MPHOSPH6: variants seen among roughly 807,000 people sequenced by gnomAD.
MPHOSPH6 encodes M-phase phosphoprotein 6.
A neutral mutation model predicts 21.8 loss-of-function variants in MPHOSPH6; 25 were observed. That is an observed-to-expected ratio of 1.15 (90% CI 0.83 to 1.60). The LOEUF (loss-of-function observed/expected upper bound fraction) is 1.60. Ranked by LOEUF, MPHOSPH6 falls within the 40% of genes most tolerant of loss-of-function variation. The probability of loss-of-function intolerance (pLI) is 0.00; values close to 1 mark genes in which losing one functional copy is unlikely to be tolerated. For synonymous variants in MPHOSPH6, 84 were observed against 56.5 expected (o/e 1.49, Z -2.18); for missense variants, 269 against 181.8 (o/e 1.48, Z -2.76).
chr16:82,158,295 TG>T (rs1278001386), intron 2 of MPHOSPH6, among the ~76,000 whole-genome samples: 2 of 151,034 alleles, frequency 1.3e-5, no homozygotes, highest in Admixed American at 6.6e-5. Context: ...GAGATCATCC[TG>T]GCTAATACGA....
chr16:82,161,574 A>G (rs867594131), intron 2 of MPHOSPH6, among the ~76,000 whole-genome samples: 2 of 152,240 alleles, frequency 1.3e-5, no homozygotes, highest in East Asian at 1.9e-4. Flanking sequence ...AATTCACACT[A>G]TATCGGGTTC....
intron 2 of MPHOSPH6, among the ~76,000 whole-genome samples, chr16:82,159,561 T>C (rs188447554): frequency 1.3e-5 from 2 of 152,182 alleles, no homozygotes; most frequent in South Asian, 4.2e-4. Context: ...CACGCCATCA[T>C]GCCTGGCTAA....
chr16:82,165,968 T>C (rs1274487451), intron 1 of MPHOSPH6, among the ~76,000 whole-genome samples: 3 of 152,170 alleles, frequency 2.0e-5, no homozygotes, highest in Non-Finnish European at 4.4e-5. Flanking sequence ...GGAAAGTAAA[T>C]GGTACAGCCA....
chr16:82,162,514 G>A (rs79348628), intron 2 of MPHOSPH6, among the ~76,000 whole-genome samples: 14,649 of 152,210 alleles, frequency 0.096, 2,023 homozygotes, highest in African/African-American at 0.3. Flanking sequence ...GGCCGTACCC[G>A]TGAATGGAGG....
intron 2 of MPHOSPH6, among the ~76,000 whole-genome samples, chr16:82,156,872 C>G (rs1176041080): frequency 6.6e-6 from 1 of 152,018 alleles, no homozygotes; most frequent in Non-Finnish European, 1.5e-5. Context: ...TCAAGACCAG[C>G]CTGGCCAACA....
Position 82,164,210 on chromosome 16 carries a change from A to C in MPHOSPH6, c.52-16T>G. ...TTTGCATAAACTGTGAAAACAAACA[A>C]AATCAATGTCAGAAACTTTTCCCAT... is the stretch of plus-strand genomic sequence containing the variant. On this transcript the variant is annotated splice_polypyrimidine_tract_variant and intron_variant, in intron 1 of 4. Coordinates refer to ENST00000258169, the MANE Select transcript of MPHOSPH6 (RefSeq NM_005792.2). The C allele has an allele frequency of 6.5e-7, 1 of 1,537,004 alleles. No individual in the cohort carries two copies. Among genetic ancestry groups the C allele is most frequent in the Non-Finnish European group, 8.9e-7 (1 of 1,125,544 alleles).
intron 2 of MPHOSPH6, among the ~76,000 whole-genome samples, chr16:82,158,837 T>C (rs1243820290): frequency 2.0e-5 from 3 of 152,242 alleles, no homozygotes; most frequent in Non-Finnish European, 2.9e-5. Flanking sequence ...GTGATACTAA[T>C]GAATGTGATT....
At chr16:82,153,651 T>C (rs1465945871) in intron 2 of MPHOSPH6, among the ~76,000 whole-genome samples, 2 of 152,092 alleles carry the variant, frequency 1.3e-5, no homozygotes, top group Non-Finnish European at 2.9e-5. Flanking sequence ...GCATACTGGG[T>C]TCCCTTGAAT....
intron 2 of MPHOSPH6, among the ~76,000 whole-genome samples, chr16:82,158,271 G>C (rs1906493321): frequency 6.6e-6 from 1 of 151,514 alleles, no homozygotes; most frequent in Admixed American, 6.6e-5. Context: ...GGAGGATCAC[G>C]AGGTCAGGAA....
chr16:82,154,151 C>T (rs3794705), intron 2 of MPHOSPH6, among the ~76,000 whole-genome samples: 21,467 of 152,206 alleles, frequency 0.14, 2,233 homozygotes, highest in East Asian at 0.34. Context: ...CCTGCAATTG[C>T]ATGTTGAAGA....
chr16:82,155,774 C>T (rs1419171584), intron 2 of MPHOSPH6, among the ~76,000 whole-genome samples: 2 of 151,926 alleles, frequency 1.3e-5, no homozygotes, highest in Admixed American at 6.6e-5. Context: ...TGTGGTGGGG[C>T]AGCACCTGTA....
intron 2 of MPHOSPH6, among the ~76,000 whole-genome samples, chr16:82,159,649 G>C (rs1322620992): frequency 6.6e-6 from 1 of 152,094 alleles, no homozygotes; most frequent in Non-Finnish European, 1.5e-5. Flanking sequence ...GTCGTGATCC[G>C]CCTGCCTCGG....
intron 1 of MPHOSPH6, among the ~76,000 whole-genome samples, chr16:82,169,109 T>C (rs114360729): frequency 6.6e-6 from 1 of 152,222 alleles, no homozygotes; most frequent in Admixed American, 6.5e-5. Context: ...CATTGTCTAG[T>C]ACTATAAATA....
In MPHOSPH6 at chr16:82,165,130, TTTA is replaced by T. The variant is rs1567616062; in HGVS notation, c.52-939_52-937del. ...CCGATATTTCTTTTTTATTTTTTTT[TTTA>T]TTTTTTTTTTTTGAGACAGAGTCTC... On this transcript the variant is annotated intron_variant, in intron 1 of 4. Coordinates refer to ENST00000258169, the MANE Select transcript of MPHOSPH6 (RefSeq NM_005792.2). 4.3e-4 allele frequency among the ~76,000 whole-genome samples: 38 copies of T among 89,382 alleles called. 4 individuals are homozygous for T. The highest frequency in any genetic ancestry group is 1.5e-3 in the East Asian group (6 of 3,932). 58.6% of individuals were successfully genotyped at this position (89,382 alleles called of 152,430 possible). A position where few individuals can be genotyped will look rare whatever the true frequency, so the allele number is the denominator to read the frequency against.
chr16:82,162,240 G>A (rs1906630126), intron 2 of MPHOSPH6: 1 of 152,250 alleles, frequency 6.6e-6, no homozygotes, highest in Non-Finnish European at 1.5e-5. Context: ...AACTGGCGGA[G>A]CTGGGCATCA....
chr16:82,151,865 T>C (rs1375572406), intron 2 of MPHOSPH6, among the ~76,000 whole-genome samples: 2 of 152,246 alleles, frequency 1.3e-5, no homozygotes, highest in Admixed American at 1.3e-4. Flanking sequence ...TTTTTTCCAA[T>C]TCTTTTTCAG....
intron 2 of MPHOSPH6, among the ~76,000 whole-genome samples, chr16:82,156,451 T>G (rs970156908): frequency 6.6e-6 from 1 of 152,212 alleles, no homozygotes; most frequent in African/African-American, 2.4e-5. Context: ...ACTTTCTCAA[T>G]TTTTAAAATG....
At chr16:82,149,536 C>G (rs1906196067) in intron 3 of MPHOSPH6, 133 bp from the exon 4 acceptor site, 1 of 737,976 alleles carries the variant, frequency 1.4e-6, no homozygotes, top group South Asian at 1.5e-5. Flanking sequence ...AAGGGACTCT[C>G]TGTAATACTT....
Position 82,148,712 on chromosome 16 carries a change from A to G in MPHOSPH6, c.*19T>C, listed in dbSNP as rs1324752868. 1.9e-6 allele frequency: 3 copies of G among 1,613,246 alleles called. No individual in the cohort carries two copies. Among genetic ancestry groups the G allele is most frequent in the African/African-American group, 2.7e-5 (2 of 74,916 alleles). ...GACTTCCACCAAGCACCCCTGGGCC[A>G]TCGCTTAAGGCATCCATCTTAATCC... On this transcript the variant is annotated 3_prime_UTR_variant, in exon 5 of 5. Coordinates refer to ENST00000258169, the MANE Select transcript of MPHOSPH6 (RefSeq NM_005792.2).
Sources: allele counts gnomAD v4.1 joint callset (sites outside exome capture counted in the v4.1 genomes callset), GRCh38; gene constraint gnomAD v4.1.1; transcripts MANE v1.5; gene names NCBI Gene and HGNC (gene_info 2026-07-23, HGNC 2026-07-21).